The following LRRC7 variants were observed in gnomAD, a reference collection of about 807,000 sequenced individuals.
LRRC7 encodes leucine rich repeat containing 7, also known as leucine-rich repeat-containing protein 7.
LRRC7 carries 23 observed loss-of-function variants against 175.7 expected under a neutral mutation model. The observed-to-expected ratio is 0.13, with a 90% CI of 0.09 to 0.19. The LOEUF (loss-of-function observed/expected upper bound fraction) is 0.19. Among genes scored for constraint, LRRC7 ranks in the 10% least tolerant of loss-of-function variants. The pLI, the probability that LRRC7 is intolerant of heterozygous loss-of-function variation, is 1.00. For missense variants in LRRC7, 1,354 were observed against 1,904.7 expected, an observed-to-expected ratio of 0.71 and a Z score of 5.38; for synonymous variants, 685 against 680.9, an observed-to-expected ratio of 1.01 and a Z score of -0.09.
At chr1:69,759,181 T>A (rs1670764569) in intron 2 of LRRC7, among the ~76,000 whole-genome samples, 1 of 151,990 alleles carries the variant, frequency 6.6e-6, no homozygotes, top group Admixed American at 6.6e-5. Context: ...TTTCAAGCAA[T>A]TATCAGTAGC....
At chr1:69,717,500 T>C (rs1414335303) in intron 2 of LRRC7, among the ~76,000 whole-genome samples, 1 of 151,674 alleles carries the variant, frequency 6.6e-6, no homozygotes, top group East Asian at 1.9e-4. Flanking sequence ...ATTTTTATAA[T>C]GAAAATTATT....
intron 2 of LRRC7, among the ~76,000 whole-genome samples, chr1:69,739,364 A>T (rs565093515): frequency 6.6e-6 from 1 of 152,100 alleles, no homozygotes; most frequent in Non-Finnish European, 1.5e-5. Context: ...AGGGGCAGCC[A>T]TAGGGCTTTC....
At chr1:69,812,297 G>A (rs141913917) in intron 4 of LRRC7, among the ~76,000 whole-genome samples, 3 of 152,212 alleles carry the variant, frequency 2.0e-5, no homozygotes, top group Non-Finnish European at 4.4e-5. Flanking sequence ...TTTAACACAG[G>A]TTAATATGAT....
chr1:69,983,817 T>C (rs1392516901), intron 9 of LRRC7, among the ~76,000 whole-genome samples: 3 of 152,200 alleles, frequency 2.0e-5, no homozygotes, highest in African/African-American at 7.2e-5. Flanking sequence ...AAAACTTCTT[T>C]CTTTGTCTCT....
chr1:69,956,687 T>C (rs1007711137), intron 8 of LRRC7, among the ~76,000 whole-genome samples: 3 of 151,628 alleles, frequency 2.0e-5, no homozygotes, highest in African/African-American at 7.3e-5. Context: ...AACTGAAGAA[T>C]AAAAATTAGA....
intron 7 of LRRC7, among the ~76,000 whole-genome samples, chr1:69,912,306 T>A (rs1352109327): frequency 6.6e-6 from 1 of 152,158 alleles, no homozygotes; most frequent in African/African-American, 2.4e-5. Flanking sequence ...AAGGGGTCTT[T>A]TAGAAAAGAA....
intron 7 of LRRC7, among the ~76,000 whole-genome samples, chr1:69,883,119 G>T (rs903258086): frequency 6.6e-6 from 1 of 151,938 alleles, no homozygotes; most frequent in Admixed American, 6.6e-5. Flanking sequence ...ATTCCTTTGG[G>T]TATATACCCA....
chr1:69,614,163 C>T (rs996229326), intron 1 of LRRC7, among the ~76,000 whole-genome samples: 5 of 151,910 alleles, frequency 3.3e-5, no homozygotes, highest in Non-Finnish European at 7.4e-5. Context: ...CATATACAAA[C>T]ATAAACTCTT....
chr1:69,718,071 AAG>A (rs1168862545), intron 2 of LRRC7, among the ~76,000 whole-genome samples: 3 of 147,272 alleles, frequency 2.0e-5, no homozygotes, highest in Admixed American at 6.8e-5. Context: ...AAATAAGAGA[AAG>A]AGAAGAGAGA....
At chr1:70,093,191 A>G (rs756537087) in intron 25 of LRRC7, among the ~76,000 whole-genome samples, 9 of 152,184 alleles carry the variant, frequency 5.9e-5, no homozygotes, top group Admixed American at 1.3e-4. Context: ...TTGCTGTCAA[A>G]TTGTCAAGAT....
chr1:69,799,967 C>T (rs1676271036), intron 4 of LRRC7, among the ~76,000 whole-genome samples: 1 of 151,982 alleles, frequency 6.6e-6, no homozygotes, highest in African/African-American at 2.4e-5. Flanking sequence ...TATGGCGATC[C>T]AGTTTTCCCA....
At chr1:69,726,626 T>C (rs180800255) in intron 2 of LRRC7, among the ~76,000 whole-genome samples, 87 of 152,172 alleles carry the variant, frequency 5.7e-4, no homozygotes, top group African/African-American at 2.1e-3. Flanking sequence ...GATTTTACCA[T>C]GAAGATCGTA....
At chr1:69,748,607 A>G (rs1557678768) in intron 2 of LRRC7, among the ~76,000 whole-genome samples, 1 of 152,198 alleles carries the variant, frequency 6.6e-6, no homozygotes, top group Non-Finnish European at 1.5e-5. Context: ...TGGCTTCTCA[A>G]TAGACCATGC....
At position 70,125,718 on chromosome 1, in the gene LRRC7, G is replaced by A. The variant is rs1392518628; in HGVS notation, c.*3831G>A. The stretch of plus-strand genomic sequence containing the variant: ...GAGGCAGGAGAATGGCGTGAACCCA[G>A]GAGGCGGAGCTTGCAGTGAGCCGAG... On this transcript the variant is annotated 3_prime_UTR_variant, in exon 27 of 27. Transcript: ENST00000651989. 1.4e-5 allele frequency among the ~76,000 whole-genome samples: 2 copies of A among 144,092 alleles called. No individual in the cohort carries two copies. The allele number at this position is 144,092 out of a possible 152,430, so 94.5% of individuals were successfully genotyped here.
intron 8 of LRRC7, among the ~76,000 whole-genome samples, chr1:69,947,160 G>T (rs1246620577): frequency 6.6e-6 from 1 of 150,756 alleles, no homozygotes; most frequent in East Asian, 1.9e-4. Flanking sequence ...AATCTAAAGT[G>T]AATCTCTTGT....
intron 7 of LRRC7, among the ~76,000 whole-genome samples, chr1:69,898,024 C>T (rs943699051): frequency 6.6e-6 from 1 of 152,122 alleles, no homozygotes. Context: ...AGTGTTAATC[C>T]ATGGGAAAAT....
At chr1:70,063,381 C>T (rs1181038839) in intron 23 of LRRC7, among the ~76,000 whole-genome samples, 1 of 151,926 alleles carries the variant, frequency 6.6e-6, no homozygotes, top group Non-Finnish European at 1.5e-5. Flanking sequence ...AGAATTAATC[C>T]AATGCCATAA....
At chr1:69,730,618 T>A (rs540280747) in intron 2 of LRRC7, among the ~76,000 whole-genome samples, 1 of 152,286 alleles carries the variant, frequency 6.6e-6, no homozygotes, top group Non-Finnish European at 1.5e-5. Context: ...ACTCCAAACT[T>A]TTCCACATCT....
intron 2 of LRRC7, among the ~76,000 whole-genome samples, chr1:69,725,008 T>C (rs938823127): frequency 6.6e-6 from 1 of 152,126 alleles, no homozygotes; most frequent in Non-Finnish European, 1.5e-5. Context: ...AAACCAAATA[T>C]AACTTTTGAC....
Sources: allele counts gnomAD v4.1 joint callset (sites outside exome capture counted in the v4.1 genomes callset), GRCh38; gene constraint gnomAD v4.1.1; transcripts MANE v1.5; gene names NCBI Gene and HGNC (gene_info 2026-07-23, HGNC 2026-07-21).